The following HLA-DOB variants were observed in gnomAD, a reference collection of about 807,000 sequenced individuals.
The protein encoded by HLA-DOB is HLA class II histocompatibility antigen, DO beta chain.
A neutral mutation model predicts 27.7 loss-of-function variants in HLA-DOB; 25 were observed. That is an observed-to-expected ratio of 0.90 (90% CI 0.66 to 1.26). HLA-DOB has a LOEUF of 1.26. Ranked by LOEUF, HLA-DOB falls within the 50% of genes most tolerant of loss-of-function variation. HLA-DOB has a pLI of 0.00. For missense variants in HLA-DOB, 306 were observed against 324.9 expected, an observed-to-expected ratio of 0.94 and a Z score of 0.45; for synonymous variants, 137 against 125.6, an observed-to-expected ratio of 1.09 and a Z score of -0.61.
At position 32,812,970 on chromosome 6, in the gene HLA-DOB, G is replaced by A; in HGVS notation, c.*246C>T. The A allele has an allele frequency of 5.2e-6, 3 of 580,498 alleles. No individual in the cohort carries two copies. The highest frequency in any genetic ancestry group is 9.2e-6 in the Non-Finnish European group (3 of 325,800). The allele number at this position is 580,498 out of a possible 1,614,324, so 36.0% of individuals were successfully genotyped here. A position where few individuals can be genotyped will look rare whatever the true frequency, so the allele number is the denominator to read the frequency against. Reference sequence around the variant, plus strand: ...GGGCTGGAAGGAGTAAGGTCTCAGGGGAGTTTCTGGACAATGCCCTTGGCA... The same window carrying A: ...GGGCTGGAAGGAGTAAGGTCTCAGGAGAGTTTCTGGACAATGCCCTTGGCA... On this transcript the variant is annotated 3_prime_UTR_variant, in exon 6 of 6. Transcript: ENST00000438763.
chr6:32,813,904 T>A, intron 3 of HLA-DOB, 71 bp from the exon 4 acceptor site: 3 of 943,752 alleles, frequency 3.2e-6, no homozygotes, highest in Non-Finnish European at 3.3e-6. Flanking sequence ...AATCCCAGAA[T>A]CTGTACTAGA....
rs747906961 is a variant in HLA-DOB, at chr6:32,814,599, G to A, written c.364C>T (p.Gln122Ter). 1 of 1,609,594 alleles carries A rather than the reference G, an allele frequency of 6.2e-7. No individual in the cohort carries two copies. Among genetic ancestry groups the A allele is most frequent in the East Asian group, 2.2e-5 (1 of 44,810 alleles). ...TCTGGGTACACTGTCACCTCTGGTT[G>A]CACTAGGAAGGGAGGAAAAATGAGA... ...GAPFTVGRKV[Q>*]PEVTVYPERT... The change falls in exon 3 of 6, where the codon CAA (glutamine) becomes TAA (stop). Residue 122 changes from glutamine (Q) to a stop codon, truncating the protein, a stop_gained and splice_region_variant. Transcript: ENST00000438763. LOFTEE classifies it high-confidence loss of function.
Position 32,815,210 on chromosome 6 carries a change from A to G in HLA-DOB, c.195T>C (p.Arg65=). 1 of 1,614,194 alleles carries G rather than the reference A, an allele frequency of 6.2e-7. No individual in the cohort carries two copies. The highest frequency in any genetic ancestry group is 8.5e-7 in the Non-Finnish European group (1 of 1,180,046). Reference sequence around the variant, plus strand: ...CAAACATCCCCACATCACTGTCGAAACGTACATACTCCTCCAAGTTAAAGA... The same window carrying G: ...CAAACATCCCCACATCACTGTCGAAGCGTACATACTCCTCCAAGTTAAAGA... The part of the protein sequence containing the change: ...RFIFNLEEYV[R]FDSDVGMFVA... Residue 65 remains arginine, a synonymous_variant, in exon 2 of 6, where the codon CGT becomes CGC. Transcript: ENST00000438763.
At position 32,812,904 on chromosome 6, in the gene HLA-DOB, T is replaced by C; in HGVS notation, c.*312A>G. 1 of 425,898 alleles carries C rather than the reference T, an allele frequency of 2.3e-6. No homozygotes were observed. Among genetic ancestry groups the C allele is most frequent in the South Asian group, 4.0e-5 (1 of 24,750 alleles). 26.4% of individuals were successfully genotyped at this position (425,898 alleles called of 1,614,324 possible). On this transcript the variant is annotated 3_prime_UTR_variant, in exon 6 of 6. Coordinates refer to ENST00000438763, the MANE Select transcript of HLA-DOB (RefSeq NM_002120.4). ...GACAGAAAGCTTTGGAGATCATGAC[T>C]TATAGGAGTAGGGCTGGACCACAGA...
intron 5 of HLA-DOB, 91 bp downstream of exon 5, chr6:32,813,349 C>T (rs1562301773): frequency 6.3e-7 from 1 of 1,585,758 alleles, no homozygotes; most frequent in South Asian, 1.1e-5. Context: ...CAGCAGCAAC[C>T]TTACTCCTCC....
In HLA-DOB at chr6:32,814,446, G is replaced by T; in HGVS notation, c.517C>A (p.Pro173Thr). ...EERAGVMSTG[P>T]IRNGDWTFQT... is the part of the protein sequence containing the mutation. ...AAGGTCCAGTCTCCATTCCTGATAGGGCCAGTGGACATGACCCCAGCTCTC... is the reference window on the plus strand; with the variant it reads ...AAGGTCCAGTCTCCATTCCTGATAGTGCCAGTGGACATGACCCCAGCTCTC... The change falls in exon 3 of 6, where the codon CCT (proline) becomes ACT (threonine). Residue 173 changes from proline to threonine, a missense_variant. Coordinates refer to ENST00000438763, the MANE Select transcript of HLA-DOB (RefSeq NM_002120.4). 1 of 1,612,872 alleles carries T rather than the reference G, an allele frequency of 6.2e-7. No individual in the cohort carries two copies. Among genetic ancestry groups the T allele is most frequent in the Non-Finnish European group, 8.5e-7 (1 of 1,179,982 alleles).
rs538195484 is a variant in HLA-DOB, at chr6:32,814,999, T to C, written c.361+45A>G. Reference sequence around the variant, plus strand: ...AAGAAGAGCCATGGCCAGGTTCACATGGGGGACATTCCTGAGCCCCGCCAG... The same window carrying C: ...AAGAAGAGCCATGGCCAGGTTCACACGGGGGACATTCCTGAGCCCCGCCAG... On this transcript the variant is annotated intron_variant, in intron 2 of 5. Transcript: ENST00000438763. 4.4e-6 allele frequency: 7 copies of C among 1,604,008 alleles called. No individual in the cohort carries two copies. In the South Asian group the frequency reaches 6.6e-5, roughly 15 times the overall value.
Position 32,815,141 on chromosome 6 carries a change from G to A in HLA-DOB, c.264C>T (p.Asn88=). The A allele has an allele frequency of 6.2e-7, 1 of 1,614,190 alleles. No homozygotes were observed. The highest frequency in any genetic ancestry group is 1.1e-5 in the South Asian group (1 of 91,084). Residue 88 remains asparagine, a synonymous_variant, in exon 2 of 6, where the codon AAC becomes AAT. Transcript: ENST00000438763. ...KLGQPDAEQW[N]SRLDLLERSR... The stretch of plus-strand genomic sequence containing the variant: ...TCCTCTCCAAGAGATCCAGCCGGCT[G>A]TTCCACTGCTCAGCATCTGGCTGCC...
intron 3 of HLA-DOB, 200 bp downstream of exon 3, chr6:32,814,120 T>A: frequency 1.6e-6 from 1 of 614,074 alleles, no homozygotes. Context: ...ATCTCCTCAT[T>A]TCTTGGAAGA....
intron 1 of HLA-DOB, among the ~76,000 whole-genome samples, chr6:32,816,355 CTT>C (rs1768019637): frequency 2.0e-5 from 3 of 152,322 alleles, no homozygotes; most frequent in Non-Finnish European, 4.4e-5. Flanking sequence ...TTCAACTTCT[CTT>C]ACTTCTCAAA....
At chr6:32,814,061 T>G (rs1767912722) in intron 3 of HLA-DOB, 1 of 605,194 alleles carries the variant, frequency 1.7e-6, no homozygotes, top group Non-Finnish European at 2.9e-6. Context: ...GACCAAAGAA[T>G]TAGAGGACAC....
Position 32,813,078 on chromosome 6 carries a change from T to C in HLA-DOB, c.*138A>G, listed in dbSNP as rs954853628. The C allele has an allele frequency of 6.3e-6, 5 of 793,720 alleles. No homozygotes were observed. In the Admixed American group the frequency reaches 7.4e-5, roughly 12 times the overall value. The allele number at this position is 793,720 out of a possible 1,614,324, so 49.2% of individuals were successfully genotyped here. A position where few individuals can be genotyped will look rare whatever the true frequency, so the allele number is the denominator to read the frequency against. ...GATCTCAGAACACAGAGCTCCAGAA[T>C]CAGTTCGGGCTCCTCCAAGGATCAG... On this transcript the variant is annotated 3_prime_UTR_variant, in exon 6 of 6. Coordinates refer to ENST00000438763, the MANE Select transcript of HLA-DOB (RefSeq NM_002120.4).
rs1229208588 is a variant in HLA-DOB, at chr6:32,814,975, A to C, written c.361+69T>G. On this transcript the variant is annotated intron_variant, in intron 2 of 5. Transcript: ENST00000438763. ...TAAAGCAGAAAATTGCTTGTAAGAA[A>C]GAAGAGCCATGGCCAGGTTCACATG... is the stretch of plus-strand genomic sequence containing the variant. 2.6e-6 allele frequency: 4 copies of C among 1,549,280 alleles called. No homozygotes were observed. The East Asian group carries it at 9.1e-5, about 35-fold the overall frequency.
intron 3 of HLA-DOB, 82 bp from the exon 4 acceptor site, chr6:32,813,915 CA>C (rs1767907180): frequency 1.2e-6 from 1 of 847,342 alleles, no homozygotes; most frequent in Non-Finnish European, 1.9e-6. Flanking sequence ...CTGTACTAGA[CA>C]CCAAATCCAA....
rs1562303191 is a variant in HLA-DOB, at chr6:32,814,409, AC to A, written c.553del (p.Val185Ter). 1.2e-6 allele frequency: 2 copies of A among 1,613,012 alleles called. No homozygotes were observed. Among genetic ancestry groups the A allele is most frequent in the Admixed American group, 3.3e-5 (2 of 60,014 alleles). On this transcript the variant is annotated frameshift_variant, in exon 3 of 6. Coordinates refer to ENST00000438763, the MANE Select transcript of HLA-DOB (RefSeq NM_002120.4). LOFTEE classifies it high-confidence loss of function. Reference sequence around the variant, plus strand: ...AAGTTCAGGAGTCATTTCTAGCATCACCACAGTCTGAAAGGTCCAGTCTCCA... The same window carrying A: ...AAGTTCAGGAGTCATTTCTAGCATCACACAGTCTGAAAGGTCCAGTCTCCA... ...RNGDWTFQTV[V>X]MLEMTPELGH...
At chr6:32,814,713 A>G in intron 2 of HLA-DOB, 112 bp from the exon 3 acceptor site, 3 of 1,038,674 alleles carry the variant, frequency 2.9e-6, no homozygotes, top group Non-Finnish European at 2.9e-6. Context: ...ACCCAAGTGA[A>G]CACAAAGTAT....
At position 32,814,493 on chromosome 6, in the gene HLA-DOB, C is replaced by A. The variant is rs146350950; in HGVS notation, c.470G>T (p.Trp157Leu). ...TCTCTCCTCCTGCCCATTCAGGAACCACTTGATCTTGATATCCCCTGGATA... is the reference window on the plus strand; with the variant it reads ...TCTCTCCTCCTGCCCATTCAGGAACAACTTGATCTTGATATCCCCTGGATA... ...GFYPGDIKIK[W>L]FLNGQEERAG... Residue 157 changes from tryptophan to leucine, a missense_variant, in exon 3 of 6, where the codon TGG becomes TTG. Coordinates refer to ENST00000438763, the MANE Select transcript of HLA-DOB (RefSeq NM_002120.4). 86 of 1,612,946 alleles carry A rather than the reference C, an allele frequency of 5.3e-5. No individual in the cohort carries two copies. The highest frequency in any genetic ancestry group is 6.9e-5 in the Non-Finnish European group (81 of 1,180,020).
chr6:32,813,463 T>C lies in HLA-DOB; in HGVS notation c.763A>G (p.Arg255Gly). Residue 255 changes from arginine (R) to glycine (G), a missense_variant, in exon 5 of 6, where the codon AGG (arginine) becomes GGG (glycine). Transcript: ENST00000438763. ...ACCTCATTACCAGACATCTGCGTCC[T>C]CACATATCCTGGAAAGAAATCGAGA... Reference protein sequence around the residue: ...IQLRAQKGYVRTQMSGNEVSR... With the variant: ...IQLRAQKGYVGTQMSGNEVSR... 1 of 1,613,002 alleles carries C rather than the reference T, an allele frequency of 6.2e-7. No homozygotes were observed. Among genetic ancestry groups the C allele is most frequent in the Non-Finnish European group, 8.5e-7 (1 of 1,179,958 alleles).
In HLA-DOB at chr6:32,813,150, C is replaced by T. The variant is rs530542664; in HGVS notation, c.*66G>A. 2.8e-6 allele frequency: 4 copies of T among 1,434,436 alleles called. No individual in the cohort carries two copies. Among genetic ancestry groups the T allele is most frequent in the African/African-American group, 2.8e-5 (2 of 71,532 alleles). 88.9% of individuals were successfully genotyped at this position (1,434,436 alleles called of 1,614,324 possible). On this transcript the variant is annotated 3_prime_UTR_variant, in exon 6 of 6. Coordinates refer to ENST00000438763, the MANE Select transcript of HLA-DOB (RefSeq NM_002120.4). ...CATTGACCTCATGAATGTCCTTTAC[C>T]TCACCCAGGGCCCAGACTACTCATC...
Sources: gnomAD v4.1 joint callset for allele counts (sites outside exome capture counted in the v4.1 genomes callset) on GRCh38, gnomAD v4.1.1 for gene constraint, MANE v1.5 for transcripts, NCBI Gene and HGNC (gene_info 2026-07-23, HGNC 2026-07-21) for gene names.